The following RPTOR variants were observed in gnomAD, a reference collection of about 807,000 sequenced individuals.
RPTOR encodes the protein regulatory associated protein of MTOR complex 1, also known as regulatory-associated protein of mTOR.
In RPTOR, 21 loss-of-function variants were observed where a neutral mutation model predicts 169.9. The ratio of observed to expected loss-of-function variants is 0.12; its 90% confidence interval spans 0.09 to 0.18. The LOEUF is 0.18. Among genes scored for constraint, RPTOR ranks in the 10% least tolerant of loss-of-function variants. RPTOR has a pLI of 1.00. For synonymous variants in RPTOR, 732 were observed against 753.2 expected, an observed-to-expected ratio of 0.97 and a Z score of 0.46; for missense variants, 1,133 against 1,855.9, an observed-to-expected ratio of 0.61 and a Z score of 7.16.
chr17:80,656,131 C>T (rs1227372315), intron 3 of RPTOR, among the ~76,000 whole-genome samples: 4 of 152,134 alleles, frequency 2.6e-5, no homozygotes, highest in Non-Finnish European at 4.4e-5. Context: ...GGTGCAGTAG[C>T]GCAATCTCGG....
chr17:80,811,124 C>T (rs1324318832), intron 7 of RPTOR, among the ~76,000 whole-genome samples: 1 of 152,144 alleles, frequency 6.6e-6, no homozygotes, highest in Admixed American at 6.5e-5. Flanking sequence ...GTTAAATGGA[C>T]GCAATACAGC....
chr17:80,625,855 G>T (rs901065), intron 2 of RPTOR, 62 bp downstream of exon 2: 398,515 of 1,196,144 alleles, frequency 0.33, 68,001 homozygotes, highest in African/African-American at 0.44. Context: ...GCCTGGGCGG[G>T]GCTCGCCAAG....
At chr17:80,780,097 A>G (rs921321112) in intron 6 of RPTOR, among the ~76,000 whole-genome samples, 1 of 152,088 alleles carries the variant, frequency 6.6e-6, no homozygotes, top group Non-Finnish European at 1.5e-5. Context: ...CGGTGTTCTC[A>G]TCGTGTCCAT....
intron 1 of RPTOR, among the ~76,000 whole-genome samples, chr17:80,587,463 T>C (rs1347127138): frequency 6.6e-6 from 1 of 152,202 alleles, no homozygotes; most frequent in Admixed American, 6.5e-5. Context: ...TGTTTTTATA[T>C]ATGAATTTTG....
intron 24 of RPTOR, among the ~76,000 whole-genome samples, chr17:80,930,411 A>T (rs2068877176): frequency 1.6e-5 from 1 of 63,194 alleles, no homozygotes; most frequent in Non-Finnish European, 3.1e-5. Flanking sequence ...GCTCATCCCC[A>T]GCTCATCCTC....
intron 6 of RPTOR, among the ~76,000 whole-genome samples, chr17:80,765,039 CAAG>C (rs2066772350): frequency 6.6e-6 from 1 of 151,984 alleles, no homozygotes; most frequent in African/African-American, 2.4e-5. Flanking sequence ...ATTAAAAAAA[CAAG>C]AAAAATTAAA....
chr17:80,695,929 C>G lies in RPTOR; in HGVS notation c.349-11912C>G, dbSNP rs1461066980. 6.6e-6 allele frequency among the ~76,000 whole-genome samples: 1 copy of G among 152,158 alleles called. No homozygotes were observed. Among genetic ancestry groups the G allele is most frequent in the Non-Finnish European group, 1.5e-5 (1 of 68,030 alleles). ...TGAGCTGGCTTTGATCTACCCCGGA[C>G]CCATCTTTCTGTGAAGAGTTTGCAG... On this transcript the variant is annotated intron_variant, in intron 3 of 33. Transcript: ENST00000306801. The surrounding 1 kb of genome is among the most constrained non-coding windows in gnomAD (Gnocchi z 4.9).
rs2143872028 is a variant in RPTOR at position 80,892,805 on chromosome 17, C to G, written c.2178C>G (p.Ile726Met). Residue 726 changes from isoleucine to methionine, a missense_variant, in exon 19 of 34, where the codon ATC becomes ATG. Around this residue, in one of 9 missense-constraint regions of RPTOR, gnomAD observed 150 missense variants for 206.4 expected, o/e 0.73. Coordinates refer to ENST00000306801, the MANE Select transcript of RPTOR (RefSeq NM_020761.3). ...GTTCTGTGAGCTCCTATGGAAACATCCGTGCTGTCGCCACAGCCAGGAGCC... is the reference window on the plus strand; with the variant it reads ...GTTCTGTGAGCTCCTATGGAAACATGCGTGCTGTCGCCACAGCCAGGAGCC... Reference protein sequence around the residue: ...RLRSVSSYGNIRAVATARSLN... With the variant: ...RLRSVSSYGNMRAVATARSLN... 2 of 1,614,240 alleles carry G rather than the reference C, an allele frequency of 1.2e-6. No individual in the cohort carries two copies. The highest frequency in any genetic ancestry group is 1.7e-6 in the Non-Finnish European group (2 of 1,180,038).
At chr17:80,733,941 C>T (rs2066413678) in intron 5 of RPTOR, among the ~76,000 whole-genome samples, 1 of 152,138 alleles carries the variant, frequency 6.6e-6, no homozygotes, top group African/African-American at 2.4e-5. Context: ...CTTCCTTGTA[C>T]TTTCTTCTGC....
chr17:80,690,657 G>A (rs545470556), intron 3 of RPTOR, among the ~76,000 whole-genome samples: 3 of 152,004 alleles, frequency 2.0e-5, no homozygotes, highest in Non-Finnish European at 4.4e-5. Flanking sequence ...CTAGATTCTG[G>A]TTCAGTCAGG....
chr17:80,720,761 C>T (rs2066278454), intron 4 of RPTOR, among the ~76,000 whole-genome samples: 1 of 151,680 alleles, frequency 6.6e-6, no homozygotes, highest in East Asian at 1.9e-4. Context: ...CACAGACTGC[C>T]AGGCCCTCCC....
At chr17:80,929,909 CT>C (rs374206150) in intron 24 of RPTOR, among the ~76,000 whole-genome samples, 2 of 152,146 alleles carry the variant, frequency 1.3e-5, no homozygotes, top group African/African-American at 4.8e-5. Context: ...GAATGACACT[CT>C]GTGTGACATT....
intron 20 of RPTOR, 79 bp from the exon 21 acceptor site, chr17:80,908,732 G>A: frequency 9.9e-7 from 1 of 1,009,784 alleles, no homozygotes; most frequent in Admixed American, 1.9e-5. Context: ...CAGGGTTAGG[G>A]TTTCAGAAAA....
At chr17:80,887,524 C>G (rs908234) in intron 17 of RPTOR, among the ~76,000 whole-genome samples, 5,357 of 152,234 alleles carry the variant, frequency 0.035, 141 homozygotes, top group South Asian at 0.072. Context: ...GTGCAAGCAC[C>G]AAGGAGCCTG....
chr17:80,893,563 GGTGT>G (rs1567972824), intron 19 of RPTOR, 140 bp from the exon 20 acceptor site: 2 of 1,003,116 alleles, frequency 2.0e-6, no homozygotes, highest in East Asian at 2.8e-5. Flanking sequence ...TGCGCACCAG[GGTGT>G]GTGTGTACCA....
At chr17:80,870,858 A>G (rs1223009543) in intron 13 of RPTOR, among the ~76,000 whole-genome samples, 2 of 152,238 alleles carry the variant, frequency 1.3e-5, no homozygotes, top group Non-Finnish European at 2.9e-5. Context: ...TATTAGTACA[A>G]CATGTTTGAC....
intron 22 of RPTOR, 152 bp from the exon 23 acceptor site, chr17:80,923,338 G>C (rs1404271738): frequency 1.6e-5 from 13 of 811,218 alleles, no homozygotes; most frequent in Non-Finnish European, 2.2e-5. Context: ...GCTGGGGTTC[G>C]GGAGCCATGA....
chr17:80,575,533 G>A (rs1231112762), intron 1 of RPTOR, among the ~76,000 whole-genome samples: 2 of 152,192 alleles, frequency 1.3e-5, no homozygotes, highest in African/African-American at 4.8e-5. Flanking sequence ...GCGCCCCCTC[G>A]TGTTGTGGAT....
intron 16 of RPTOR, among the ~76,000 whole-genome samples, 184 bp downstream of exon 16, chr17:80,884,156 C>T (rs2068215889): frequency 6.6e-6 from 1 of 152,220 alleles, no homozygotes; most frequent in South Asian, 2.1e-4. Flanking sequence ...GATTTTGCAC[C>T]CAGGCCCAGA....
Sources: allele counts gnomAD v4.1 joint callset (sites outside exome capture counted in the v4.1 genomes callset), GRCh38; gene constraint gnomAD v4.1.1; regional missense constraint gnomAD v4.1.1; non-coding constraint Gnocchi (gnomAD v3.1); transcripts MANE v1.5; gene names NCBI Gene and HGNC (gene_info 2026-07-23, HGNC 2026-07-21).